Variants in MEX3A observed in about 807,000 individuals in gnomAD.
The protein encoded by MEX3A is mex-3 RNA binding family member A.
MEX3A carries 4 observed loss-of-function variants against 30.0 expected under a neutral mutation model. The observed-to-expected ratio is 0.13, with a 90% confidence interval of 0.07 to 0.30. The LOEUF (loss-of-function observed/expected upper bound fraction) is 0.30, where lower values mean the gene tolerates loss of function less well. MEX3A is among the 10% of genes least tolerant of loss of function. The pLI is 1.00. For missense variants in MEX3A, 555 were observed against 736.7 expected, an observed-to-expected ratio of 0.75 and a Z score of 2.86; for synonymous variants, 335 against 327.6, an observed-to-expected ratio of 1.02 and a Z score of -0.24.
Position 156,074,656 on chromosome 1 carries a change from A to AC in MEX3A, c.*1917dup, listed in dbSNP as rs1472782026. On this transcript the variant is annotated 3_prime_UTR_variant, in exon 2 of 2. Coordinates refer to ENST00000532414, the MANE Select transcript of MEX3A (RefSeq NM_001093725.2). ...CGACAGACAGACATCCCTTCTTCCC[A>AC]CCCCCCTCCCCACCTGCCCCCCGGC... 1.6e-5 allele frequency: 2 copies of AC among 124,948 alleles called. No individual in the cohort carries two copies. Among genetic ancestry groups the AC allele is most frequent in the Admixed American group, 7.8e-5 (1 of 12,886 alleles). The allele number at this position is 124,948 out of a possible 1,614,324, so 7.7% of individuals were successfully genotyped here.
rs1648285334 is a variant in MEX3A at position 156,082,409 on chromosome 1, A to T, written c.-411T>A. 6.6e-6 allele frequency among the ~76,000 whole-genome samples: 1 copy of T among 151,848 alleles called. No homozygotes were observed. On this transcript the variant is annotated 5_prime_UTR_variant, in exon 1 of 2. Coordinates refer to ENST00000532414, the MANE Select transcript of MEX3A (RefSeq NM_001093725.2). Reference sequence around the variant, plus strand: ...CTCCCGCACCGAGCCCCAGTCCGGGAGCGGCGCTCAGTGGCCCCCAATAGA... The same window carrying T: ...CTCCCGCACCGAGCCCCAGTCCGGGTGCGGCGCTCAGTGGCCCCCAATAGA...
rs1411866392 is a variant in MEX3A, at chr1:156,081,776, C to G, written c.223G>C (p.Ala75Pro). ...GGGGAPAQPAAPPQPAPPPPP... is the reference protein window; with the variant it reads ...GGGGAPAQPAPPPQPAPPPPP... The stretch of plus-strand genomic sequence containing the variant: ...GGCGGCGGGGCCGGCTGCGGGGGGG[C>G]GGCCGGCTGCGCGGGGGCGCCGCCC... Residue 75 changes from alanine to proline, a missense_variant, in exon 1 of 2, where the codon GCC (alanine) becomes CCC (proline). Around this residue, in one of 6 missense-constraint regions of MEX3A, gnomAD observed 159 missense variants for 159.9 expected, o/e 0.99. Coordinates refer to ENST00000532414, the MANE Select transcript of MEX3A (RefSeq NM_001093725.2). The G allele has an allele frequency of 1.2e-6, 1 of 835,400 alleles. No homozygotes were observed. The highest frequency in any genetic ancestry group is 1.5e-6 in the Non-Finnish European group (1 of 686,532). 51.7% of individuals were successfully genotyped at this position (835,400 alleles called of 1,614,324 possible). A position where few individuals can be genotyped will look rare whatever the true frequency, so the allele number is the denominator to read the frequency against.
Position 156,077,518 on chromosome 1 carries a change from G to T in MEX3A, c.619C>A (p.Arg207Ser), listed in dbSNP as rs867531733. ...CCAAAGGCGGCGCCTGACTTGTTGC[G>T]GGAGGCACGGATCATGGAGAAGTGC... ...AEHFSMIRASRNKSGAAFGVA... is the reference protein window; with the variant it reads ...AEHFSMIRASSNKSGAAFGVA... Residue 207 changes from arginine to serine, a missense_variant, in exon 2 of 2, where the codon CGC (arginine) becomes AGC (serine). Physicochemically the swap from Arg to Ser is moderately radical, Grantham distance 110. This residue lies in a region of MEX3A where 35 missense variants were observed against 44.1 expected (regional missense o/e 0.79). Coordinates refer to ENST00000532414, the MANE Select transcript of MEX3A (RefSeq NM_001093725.2). This position sits in a 1 kb window ranked among gnomAD's most constrained non-coding sequence, Gnocchi z 8.3. 6.2e-7 allele frequency: 1 copy of T among 1,612,652 alleles called. No individual in the cohort carries two copies. The highest frequency in any genetic ancestry group is 8.5e-7 in the Non-Finnish European group (1 of 1,179,332).
Position 156,076,508 on chromosome 1 carries a change from C to A in MEX3A, c.*66G>T. On this transcript the variant is annotated 3_prime_UTR_variant, in exon 2 of 2. Transcript: ENST00000532414. The surrounding 1 kb of genome is among the most constrained non-coding windows in gnomAD (Gnocchi z 6.0). ...CCTCAAATCACCGCTTTCCAAAAGG[C>A]TTTAGTGGAAAACAGGTCCAGGGTG... 6.7e-7 allele frequency: 1 copy of A among 1,496,684 alleles called. No individual in the cohort carries two copies. The highest frequency in any genetic ancestry group is 2.1e-5 in the Admixed American group (1 of 48,056). The allele number at this position is 1,496,684 out of a possible 1,614,324, so 92.7% of individuals were successfully genotyped here.
At position 156,076,202 on chromosome 1, in the gene MEX3A, C is replaced by T. The variant is rs1334997863; in HGVS notation, c.*372G>A. 1 of 190,768 alleles carries T rather than the reference C, an allele frequency of 5.2e-6. No homozygotes were observed. The highest frequency in any genetic ancestry group is 1.1e-5 in the Non-Finnish European group (1 of 92,960). The allele number at this position is 190,768 out of a possible 1,614,324, so 11.8% of individuals were successfully genotyped here. On this transcript the variant is annotated 3_prime_UTR_variant, in exon 2 of 2. Transcript: ENST00000532414. The surrounding 1 kb of genome is among the most constrained non-coding windows in gnomAD (Gnocchi z 6.0). Reference sequence around the variant, plus strand: ...CTCTCCCTTTTACCCACCCCCTCCTCGGAAGAAGGGGTGGAGTGACACACA... The same window carrying T: ...CTCTCCCTTTTACCCACCCCCTCCTTGGAAGAAGGGGTGGAGTGACACACA...
Position 156,078,426 on chromosome 1 carries a change from G to A in MEX3A, c.455-744C>T, listed in dbSNP as rs540921083. On this transcript the variant is annotated intron_variant, in intron 1 of 1. Coordinates refer to ENST00000532414, the MANE Select transcript of MEX3A (RefSeq NM_001093725.2). The stretch of plus-strand genomic sequence containing the variant: ...GTGAGGGAACAGTGCCCAACCCCGT[G>A]TCACTCTTGTCCCCCTGTCCCCTGG... Among the ~76,000 whole-genome samples, 7 of 152,272 alleles carry A rather than the reference G, an allele frequency of 4.6e-5. No homozygotes were observed. In the South Asian group the frequency reaches 1.5e-3, roughly 32 times the overall value.
In MEX3A at chr1:156,072,755, G is replaced by T. The variant is rs1340388472; in HGVS notation, c.*3819C>A. On this transcript the variant is annotated 3_prime_UTR_variant, in exon 2 of 2. Transcript: ENST00000532414. ...ACTGGAGCAGAGGGTCAGGGTTAGG[G>T]TCACCCAAAGTCCCTGTGCCTTTCC... 1 of 152,726 alleles carries T rather than the reference G, an allele frequency of 6.5e-6. No individual in the cohort carries two copies. Among genetic ancestry groups the T allele is most frequent in the Non-Finnish European group, 1.5e-5 (1 of 68,074 alleles). The allele number at this position is 152,726 out of a possible 1,614,324, so 9.5% of individuals were successfully genotyped here.
At chr1:156,081,453 G>C in intron 1 of MEX3A, 92 bp downstream of exon 1, 1 of 1,126,828 alleles carries the variant, frequency 8.9e-7, no homozygotes, top group Non-Finnish European at 1.3e-6. Flanking sequence ...CAGAGCCGGA[G>C]GCGGGCAAGA....
In MEX3A at chr1:156,074,110, T is replaced by G. The variant is rs1647991561; in HGVS notation, c.*2464A>C. On this transcript the variant is annotated 3_prime_UTR_variant, in exon 2 of 2. Transcript: ENST00000532414. ...ATGACATTCCTCCCCAAAAAAAAAG[T>G]GGGGGAAAAAAGCAACGTAAACCCA... The G allele has an allele frequency of 6.6e-6, 1 of 151,632 alleles. No individual in the cohort carries two copies. Among genetic ancestry groups the G allele is most frequent in the Non-Finnish European group, 1.5e-5 (1 of 67,812 alleles). 9.4% of individuals were successfully genotyped at this position (151,632 alleles called of 1,614,324 possible).
chr1:156,082,174 G>A lies in MEX3A; in HGVS notation c.-176C>T, dbSNP rs1648274622. Among the ~76,000 whole-genome samples the A allele has an allele frequency of 6.8e-6, 1 of 146,360 alleles. No individual in the cohort carries two copies. ...ATAGAAAGATAGACCCTCCCCCTAA[G>A]CCCCCCTCCCCAAACACCCTGTAAC... On this transcript the variant is annotated 5_prime_UTR_variant, in exon 1 of 2. Coordinates refer to ENST00000532414, the MANE Select transcript of MEX3A (RefSeq NM_001093725.2).
At position 156,081,729 on chromosome 1, in the gene MEX3A, GGCCGGGGGC is replaced by G; in HGVS notation, c.261_269del (p.Pro88_Ala90del). 1 of 954,148 alleles carries G rather than the reference GGCCGGGGGC, an allele frequency of 1.0e-6. No homozygotes were observed. Among genetic ancestry groups the G allele is most frequent in the Non-Finnish European group, 1.3e-6 (1 of 789,774 alleles). 59.1% of individuals were successfully genotyped at this position (954,148 alleles called of 1,614,324 possible). A position where few individuals can be genotyped will look rare whatever the true frequency, so the allele number is the denominator to read the frequency against. Reference sequence around the variant, plus strand: ...GCGCTGCGGGGGCCGCCGTCGGGGCGGCCGGGGGCGCCGCGGGCGGCGGCGGCGGGGCCG... The same window carrying G: ...GCGCTGCGGGGGCCGCCGTCGGGGCGGCCGCGGGCGGCGGCGGCGGGGCCG... On this transcript the variant is annotated inframe_deletion, in exon 1 of 2. Coordinates refer to ENST00000532414, the MANE Select transcript of MEX3A (RefSeq NM_001093725.2).
At position 156,081,503 on chromosome 1, in the gene MEX3A, C is replaced by T. The variant is rs1199393342; in HGVS notation, c.454+42G>A. 5 of 1,527,402 alleles carry T rather than the reference C, an allele frequency of 3.3e-6. No homozygotes were observed. The South Asian group carries it at 5.7e-5, about 17-fold the overall frequency. The allele number at this position is 1,527,402 out of a possible 1,614,324, so 94.6% of individuals were successfully genotyped here. On this transcript the variant is annotated intron_variant, in intron 1 of 1. Coordinates refer to ENST00000532414, the MANE Select transcript of MEX3A (RefSeq NM_001093725.2). ...CTTTCCGCGCTAGGGACGAGGGTGCCCCCACTACAGTCCCTCTCAGTGGTC... is the reference window on the plus strand; with the variant it reads ...CTTTCCGCGCTAGGGACGAGGGTGCTCCCACTACAGTCCCTCTCAGTGGTC...
Position 156,081,798 on chromosome 1 carries a change from GCCC to G in MEX3A, c.198_200del (p.Gly68del). On this transcript the variant is annotated inframe_deletion, in exon 1 of 2. Transcript: ENST00000532414. ...GGGCGGCCGGCTGCGCGGGGGCGCC[GCCC>G]CCCCCACCTCCCCCGTCCTCGCCCG... The G allele has an allele frequency of 9.1e-7, 1 of 1,094,524 alleles. No homozygotes were observed. The highest frequency in any genetic ancestry group is 1.2e-6 in the Non-Finnish European group (1 of 868,588). The allele number at this position is 1,094,524 out of a possible 1,614,324, so 67.8% of individuals were successfully genotyped here.
At chr1:156,080,989 C>G (rs916775751) in intron 1 of MEX3A, among the ~76,000 whole-genome samples, 1 of 152,160 alleles carries the variant, frequency 6.6e-6, no homozygotes, top group African/African-American at 2.4e-5. Context: ...CTCCTCTCAG[C>G]AGCCCCCCTC....
Position 156,076,974 on chromosome 1 carries a change from C to A in MEX3A, c.1163G>T (p.Ser388Ile). 2 of 1,612,138 alleles carry A rather than the reference C, an allele frequency of 1.2e-6. No individual in the cohort carries two copies. The highest frequency in any genetic ancestry group is 1.3e-5 in the African/African-American group (1 of 75,020). ...QDVYYGVAET[S>I]PPLWAGQENA... The stretch of plus-strand genomic sequence containing the variant: ...CTCCTGGCCCGCCCACAGCGGGGGG[C>A]TAGTCTCGGCCACGCCGTAGTACAC... The change falls in exon 2 of 2, where the codon AGC (serine) becomes ATC (isoleucine). Residue 388 changes from serine (S) to isoleucine (I), a missense_variant. Transcript: ENST00000532414. This position sits in a 1 kb window ranked among gnomAD's most constrained non-coding sequence, Gnocchi z 6.0.
chr1:156,082,025 AGAGG>A lies in MEX3A; in HGVS notation c.-31_-28del. The A allele has an allele frequency of 8.3e-7, 1 of 1,201,998 alleles. No homozygotes were observed. The highest frequency in any genetic ancestry group is 1.1e-6 in the Non-Finnish European group (1 of 920,622). 74.5% of individuals were successfully genotyped at this position (1,201,998 alleles called of 1,614,324 possible). Reference sequence around the variant, plus strand: ...GCGAAACAAAAGCTGGGGGAGAGAGAGAGGGAGAGAGAGAGAGAGAGGTGGTGGA... The same window carrying A: ...GCGAAACAAAAGCTGGGGGAGAGAGAGAGAGAGAGAGAGAGAGGTGGTGGA... On this transcript the variant is annotated 5_prime_UTR_variant, in exon 1 of 2. Coordinates refer to ENST00000532414, the MANE Select transcript of MEX3A (RefSeq NM_001093725.2).
Position 156,076,689 on chromosome 1 carries a change from G to A in MEX3A, c.1448C>T (p.Pro483Leu). ...CATGCAGAACAGGTTGTGTCCGCAGGGCACAAGGGCGGCAGTCACTTCGCT... is the reference window on the plus strand; with the variant it reads ...CATGCAGAACAGGTTGTGTCCGCAGAGCACAAGGGCGGCAGTCACTTCGCT... ...FESEVTAALV[P>L]CGHNLFCMEC... Residue 483 changes from proline (P) to leucine (L), a missense_variant, in exon 2 of 2, where the codon CCC (proline) becomes CTC (leucine). Transcript: ENST00000532414. This position sits in a 1 kb window ranked among gnomAD's most constrained non-coding sequence, Gnocchi z 6.0. 6.2e-7 allele frequency: 1 copy of A among 1,613,982 alleles called. No homozygotes were observed. The highest frequency in any genetic ancestry group is 8.5e-7 in the Non-Finnish European group (1 of 1,179,886).
In MEX3A at chr1:156,077,245, A is replaced by T. The variant is rs1158978576; in HGVS notation, c.892T>A (p.Tyr298Asn). 1 of 1,613,502 alleles carries T rather than the reference A, an allele frequency of 6.2e-7. No homozygotes were observed. The highest frequency in any genetic ancestry group is 1.3e-5 in the African/African-American group (1 of 74,870). ...IAVRTGKILEYNNENDFLAGS... is the reference protein window; with the variant it reads ...IAVRTGKILENNNENDFLAGS... Reference sequence around the variant, plus strand: ...GCCAGGAAGTCGTTTTCATTGTTGTACTCGAGGATCTTGCCAGTGCGCACC... The same window carrying T: ...GCCAGGAAGTCGTTTTCATTGTTGTTCTCGAGGATCTTGCCAGTGCGCACC... Residue 298 changes from tyrosine to asparagine, a missense_variant, in exon 2 of 2, where the codon TAC (tyrosine) becomes AAC (asparagine). Tyr to Asn is a moderately radical substitution (Grantham distance 143, BLOSUM62 -2). Coordinates refer to ENST00000532414, the MANE Select transcript of MEX3A (RefSeq NM_001093725.2). The surrounding 1 kb of genome is among the most constrained non-coding windows in gnomAD (Gnocchi z 8.3).
rs1339661897 is a variant in MEX3A, at chr1:156,076,899, G to A, written c.1238C>T (p.Ser413Phe). ...CCCAGCGCGGGCCTTGGCGGAAGAGGAGGAGGAGGAGGAGGCAGAGGAGAA... is the reference window on the plus strand; with the variant it reads ...CCCAGCGCGGGCCTTGGCGGAAGAGAAGGAGGAGGAGGAGGCAGAGGAGAA... ...VLFSSASSSS[S>F]SSAKARAGPP... Residue 413 changes from serine to phenylalanine, a missense_variant, in exon 2 of 2, where the codon TCC becomes TTC. Ser to Phe is a radical substitution (Grantham distance 155). Around this residue, in one of 6 missense-constraint regions of MEX3A, gnomAD observed 281 missense variants for 265.1 expected, o/e 1.06. Coordinates refer to ENST00000532414, the MANE Select transcript of MEX3A (RefSeq NM_001093725.2). This position sits in a 1 kb window ranked among gnomAD's most constrained non-coding sequence, Gnocchi z 6.0. The A allele has an allele frequency of 1.3e-6, 2 of 1,561,248 alleles. No homozygotes were observed. The highest frequency in any genetic ancestry group is 1.4e-5 in the African/African-American group (1 of 73,560).
Sources: gnomAD v4.1 joint callset for allele counts (sites outside exome capture counted in the v4.1 genomes callset) on GRCh38, gnomAD v4.1.1 for gene constraint, gnomAD v4.1.1 regional missense constraint, Gnocchi (gnomAD v3.1) non-coding constraint, MANE v1.5 for transcripts, NCBI Gene and HGNC (gene_info 2026-07-23, HGNC 2026-07-21) for gene names.